The following SPOCK3 variants were observed in gnomAD, a reference collection of about 807,000 sequenced individuals.
The protein encoded by SPOCK3 is testican-3.
A neutral mutation model predicts 56.6 loss-of-function variants in SPOCK3; 30 were observed. That is an observed-to-expected ratio of 0.53 (90% CI 0.40 to 0.72). The LOEUF (loss-of-function observed/expected upper bound fraction) is 0.72, where lower values mean the gene tolerates loss of function less well. Ranked by LOEUF, SPOCK3 falls within the 30% of genes least tolerant of loss-of-function variation. The pLI is 0.00. For missense variants in SPOCK3, 527 were observed against 530.0 expected, an observed-to-expected ratio of 0.99 and a Z score of 0.06; for synonymous variants, 196 against 183.3, an observed-to-expected ratio of 1.07 and a Z score of -0.56.
chr4:166,862,848 T>A (rs1731382609), intron 6 of SPOCK3, among the ~76,000 whole-genome samples: 1 of 152,116 alleles, frequency 6.6e-6, no homozygotes, highest in African/African-American at 2.4e-5. Context: ...CAATTTGTGG[T>A]CACAAATATT....
chr4:167,111,280 A>G (rs965920483), intron 2 of SPOCK3, among the ~76,000 whole-genome samples: 4 of 152,096 alleles, frequency 2.6e-5, no homozygotes, highest in African/African-American at 9.7e-5. Flanking sequence ...ATAGATAACA[A>G]AGCCCGCGGA....
chr4:166,916,997 A>C (rs1157558980), intron 4 of SPOCK3, among the ~76,000 whole-genome samples: 2 of 152,180 alleles, frequency 1.3e-5, no homozygotes, highest in African/African-American at 4.8e-5. Flanking sequence ...GAGAGCTAGA[A>C]ATGCTGAAGT....
intron 6 of SPOCK3, among the ~76,000 whole-genome samples, chr4:166,800,085 G>A (rs1207598836): frequency 6.6e-6 from 1 of 150,522 alleles, no homozygotes; most frequent in East Asian, 2.0e-4. Flanking sequence ...AGGAGGCTGA[G>A]GCAGGAGAAT....
intron 7 of SPOCK3, among the ~76,000 whole-genome samples, chr4:166,766,887 G>A (rs1738155163): frequency 6.6e-6 from 1 of 151,950 alleles, no homozygotes; most frequent in Non-Finnish European, 1.5e-5. Flanking sequence ...GTCTATTCAG[G>A]GATTCAACTT....
intron 4 of SPOCK3, among the ~76,000 whole-genome samples, chr4:166,961,668 T>C (rs183703117): frequency 3.9e-5 from 6 of 152,268 alleles, no homozygotes; most frequent in Admixed American, 1.3e-4. Context: ...CCTTAATGCT[T>C]ATACAAGAAA....
chr4:166,890,530 T>C (rs1734661940), intron 5 of SPOCK3, among the ~76,000 whole-genome samples: 1 of 151,952 alleles, frequency 6.6e-6, no homozygotes, highest in African/African-American at 2.4e-5. Context: ...TTGGCTAACT[T>C]CTTAGTTTAG....
Position 166,884,870 on chromosome 4 carries a change from A to AACACACACACACACACAC in SPOCK3, c.589+4242_589+4259dup, listed in dbSNP as rs34910996. 3.4e-5 allele frequency among the ~76,000 whole-genome samples: 5 copies of AACACACACACACACACAC among 147,570 alleles called. 1 individual carries two copies. Among genetic ancestry groups the AACACACACACACACACAC allele is most frequent in the African/African-American group, 1.2e-4 (5 of 40,090 alleles). ...AGAAAGAAATTCCATAAACTGGTTA[A>AACACACACACACACACAC]ACACACACACACACACACACACACA... is the stretch of plus-strand genomic sequence containing the variant. On this transcript the variant is annotated intron_variant, in intron 6 of 10. Coordinates refer to ENST00000357545, the MANE Select transcript of SPOCK3 (RefSeq NM_001040159.2).
chr4:166,985,005 G>T (rs189902305), intron 4 of SPOCK3, among the ~76,000 whole-genome samples: 20 of 152,012 alleles, frequency 1.3e-4, no homozygotes, highest in African/African-American at 4.6e-4. Context: ...TCAGAATATG[G>T]CCCCAGAAGT....
intron 2 of SPOCK3, among the ~76,000 whole-genome samples, chr4:167,094,924 C>G (rs951143884): frequency 2.0e-5 from 3 of 151,936 alleles, no homozygotes; most frequent in African/African-American, 7.3e-5. Context: ...CCAGAAGACC[C>G]GATGGTATTG....
At chr4:166,875,809 G>A (rs930363838) in intron 6 of SPOCK3, among the ~76,000 whole-genome samples, 5 of 152,176 alleles carry the variant, frequency 3.3e-5, no homozygotes, top group Admixed American at 1.3e-4. Flanking sequence ...AAGAGCAAGC[G>A]GTTTCTAGGC....
At position 166,912,669 on chromosome 4, in the gene SPOCK3, A is replaced by T; in HGVS notation, c.425T>A (p.Val142Asp). 1 of 1,613,650 alleles carries T rather than the reference A, an allele frequency of 6.2e-7. No individual in the cohort carries two copies. The highest frequency in any genetic ancestry group is 8.5e-7 in the Non-Finnish European group (1 of 1,179,782). ...TGAACCACAAACAGGGCTGGGATAG[A>T]CCACTGGGCACTGCTTGCAGGTGGA... ...ILSTCKQCPVVYPSPVCGSDG... is the reference protein window; with the variant it reads ...ILSTCKQCPVDYPSPVCGSDG... Residue 142 changes from valine to aspartate, a missense_variant, in exon 5 of 11, where the codon GTC becomes GAC. Val to Asp is a radical substitution (Grantham distance 152). Coordinates refer to ENST00000357545, the MANE Select transcript of SPOCK3 (RefSeq NM_001040159.2).
At chr4:166,767,445 T>C (rs1435982560) in intron 7 of SPOCK3, among the ~76,000 whole-genome samples, 3 of 152,188 alleles carry the variant, frequency 2.0e-5, no homozygotes, top group African/African-American at 7.2e-5. Flanking sequence ...TTTCATTATG[T>C]ACCCAGTAGT....
At chr4:166,983,530 T>G (rs966019169) in intron 4 of SPOCK3, among the ~76,000 whole-genome samples, 1 of 152,042 alleles carries the variant, frequency 6.6e-6, no homozygotes, top group African/African-American at 2.4e-5. Flanking sequence ...CAAAATTACT[T>G]CTAGATAGGA....
At chr4:167,166,411 C>T (rs1765766854) in intron 2 of SPOCK3, among the ~76,000 whole-genome samples, 1 of 151,930 alleles carries the variant, frequency 6.6e-6, no homozygotes, top group Admixed American at 6.6e-5. Context: ...GCCTACAACC[C>T]TCTCTTTTTG....
chr4:166,974,573 TTC>T (rs2150079957), intron 4 of SPOCK3, among the ~76,000 whole-genome samples: 1 of 152,246 alleles, frequency 6.6e-6, no homozygotes, highest in East Asian at 1.9e-4. Flanking sequence ...GAATTCCTCT[TTC>T]TGTCTCTTTC....
chr4:166,844,520 T>C (rs1240972753), intron 6 of SPOCK3, among the ~76,000 whole-genome samples: 1 of 152,138 alleles, frequency 6.6e-6, no homozygotes, highest in Admixed American at 6.5e-5. Flanking sequence ...GGGTTGAGCC[T>C]CGTCCAATCA....
At chr4:167,084,759 T>C (rs1337020766) in intron 2 of SPOCK3, among the ~76,000 whole-genome samples, 5 of 144,180 alleles carry the variant, frequency 3.5e-5, no homozygotes, top group Non-Finnish European at 7.5e-5. Context: ...AAATATAAAC[T>C]ACACATTGAT....
chr4:167,159,248 G>C (rs1016089538), intron 2 of SPOCK3, among the ~76,000 whole-genome samples: 1 of 151,928 alleles, frequency 6.6e-6, no homozygotes, highest in Non-Finnish European at 1.5e-5. Context: ...TGGTACCATG[G>C]TGATTATTAC....
chr4:167,140,133 ATCTTACC>A (rs1763415518), intron 2 of SPOCK3, among the ~76,000 whole-genome samples: 1 of 152,218 alleles, frequency 6.6e-6, no homozygotes, highest in African/African-American at 2.4e-5. Flanking sequence ...GGATGGAGCC[ATCTTACC>A]TTTGATTTCC....
Sources: allele counts gnomAD v4.1 joint callset (sites outside exome capture counted in the v4.1 genomes callset), GRCh38; gene constraint gnomAD v4.1.1; transcripts MANE v1.5; gene names NCBI Gene and HGNC (gene_info 2026-07-23, HGNC 2026-07-21).